The following ALK variants were observed in gnomAD, a reference collection of about 807,000 sequenced individuals.
ALK encodes the protein ALK tyrosine kinase receptor.
A neutral mutation model predicts 163.1 loss-of-function variants in ALK; 74 were observed. That is an observed-to-expected ratio of 0.45 (90% CI 0.38 to 0.55). The LOEUF is 0.55. ALK is among the 20% of genes least tolerant of loss of function. ALK has a pLI of 0.00. For missense variants in ALK, 2,063 were observed against 2,105.3 expected, an observed-to-expected ratio of 0.98 and a Z score of 0.39; for synonymous variants, 960 against 843.2, an observed-to-expected ratio of 1.14 and a Z score of -2.40.
At chr2:29,655,530 C>T (rs940742737) in intron 3 of ALK, among the ~76,000 whole-genome samples, 4 of 152,162 alleles carry the variant, frequency 2.6e-5, no homozygotes, top group African/African-American at 9.6e-5. Flanking sequence ...ATTCAGTCCT[C>T]CCTCAGATTA....
intron 1 of ALK, among the ~76,000 whole-genome samples, chr2:29,780,866 T>A (rs1327196750): frequency 6.6e-6 from 1 of 152,238 alleles, no homozygotes; most frequent in African/African-American, 2.4e-5. Flanking sequence ...GTTCCTCAGC[T>A]CTTCAGCAAA....
intron 25 of ALK, among the ~76,000 whole-genome samples, chr2:29,208,309 G>GAGTAGGTGGGGAATGAAGGAC (rs1669368920): frequency 6.6e-6 from 1 of 152,198 alleles, no homozygotes; most frequent in Non-Finnish European, 1.5e-5. Flanking sequence ...ACAAAGTGCA[G>GAGTAGGTGGGGAATGAAGGAC]AGTAGGTGGG....
intron 4 of ALK, among the ~76,000 whole-genome samples, chr2:29,409,804 C>T (rs1271526290): frequency 6.6e-6 from 1 of 152,122 alleles, no homozygotes; most frequent in Non-Finnish European, 1.5e-5. Flanking sequence ...CTTGGTGACC[C>T]CAGACTTATT....
Position 29,246,498 on chromosome 2 carries a change from C to T in ALK, c.2204+4607G>A, listed in dbSNP as rs753084514. ...CTCCAGCCACCCACCCTCTAGACAC[C>T]ATGGTTACTCAGCACCACGGCCCAG... On this transcript the variant is annotated intron_variant, in intron 12 of 28. Coordinates refer to ENST00000389048, the MANE Select transcript of ALK (RefSeq NM_004304.5). This position sits in a 1 kb window ranked among gnomAD's most constrained non-coding sequence, Gnocchi z 4.3. Among the ~76,000 whole-genome samples the T allele has an allele frequency of 1.3e-5, 2 of 152,200 alleles. No homozygotes were observed. Among genetic ancestry groups the T allele is most frequent in the Non-Finnish European group, 2.9e-5 (2 of 68,034 alleles).
intron 26 of ALK, among the ~76,000 whole-genome samples, chr2:29,198,961 C>CTTTTTTTTTTT (rs145929777): frequency 6.9e-6 from 1 of 144,910 alleles, no homozygotes. Flanking sequence ...TAGTTGTTTT[C>CTTTTTTTTTTT]TTTTTTTTTT....
At chr2:29,230,542 C>T (rs1664170443) in intron 15 of ALK, among the ~76,000 whole-genome samples, 1 of 151,950 alleles carries the variant, frequency 6.6e-6, no homozygotes, top group South Asian at 2.1e-4. Flanking sequence ...TCTTTGGGAC[C>T]CAGAGGGACC....
chr2:29,656,021 C>T (rs773980740), intron 3 of ALK, among the ~76,000 whole-genome samples: 1 of 152,020 alleles, frequency 6.6e-6, no homozygotes, highest in Non-Finnish European at 1.5e-5. Context: ...GGGTCACAAG[C>T]ATATGTATAT....
chr2:29,500,000 G>C (rs1039186899), intron 4 of ALK, among the ~76,000 whole-genome samples: 1 of 152,106 alleles, frequency 6.6e-6, no homozygotes, highest in African/African-American at 2.4e-5. Context: ...CCATACACTT[G>C]GGTCTCGCTG....
chr2:29,581,919 G>T (rs968789487), intron 3 of ALK, among the ~76,000 whole-genome samples: 12 of 152,222 alleles, frequency 7.9e-5, no homozygotes, highest in African/African-American at 2.7e-4. Context: ...ACTAAGGGAA[G>T]ACTGGGCATG....
intron 5 of ALK, among the ~76,000 whole-genome samples, chr2:29,332,018 A>G (rs900997171): frequency 2.6e-5 from 4 of 151,996 alleles, no homozygotes; most frequent in East Asian, 1.9e-4. Context: ...CAGGCGTGGT[A>G]GCTCACACCT....
intron 3 of ALK, among the ~76,000 whole-genome samples, chr2:29,690,930 C>T (rs1396673103): frequency 1.3e-5 from 2 of 152,192 alleles, no homozygotes; most frequent in East Asian, 3.9e-4. Flanking sequence ...TTCTCATCTT[C>T]ACCACCAGCA....
intron 1 of ALK, among the ~76,000 whole-genome samples, chr2:29,756,629 A>T (rs183638879): frequency 6.6e-6 from 1 of 150,666 alleles, no homozygotes; most frequent in East Asian, 2.0e-4. Flanking sequence ...GCCTCCCGGC[A>T]GATTCTCCTG....
intron 3 of ALK, among the ~76,000 whole-genome samples, chr2:29,653,042 G>C (rs1010135771): frequency 1.3e-5 from 2 of 152,112 alleles, no homozygotes; most frequent in Admixed American, 1.3e-4. Flanking sequence ...GGAAGCAGGG[G>C]CATTTTGGGG....
chr2:29,298,133 T>C (rs1352420977), intron 8 of ALK, among the ~76,000 whole-genome samples: 1 of 152,184 alleles, frequency 6.6e-6, no homozygotes, highest in Non-Finnish European at 1.5e-5. Context: ...CTTTCTTGCA[T>C]ACAAACCCTT....
At chr2:29,589,419 T>G (rs1270571866) in intron 3 of ALK, among the ~76,000 whole-genome samples, 2 of 152,172 alleles carry the variant, frequency 1.3e-5, no homozygotes, top group African/African-American at 2.4e-5. Flanking sequence ...ACAACAACCC[T>G]GCAAGGACAG....
At chr2:29,692,992 T>C (rs920662565) in intron 3 of ALK, among the ~76,000 whole-genome samples, 4 of 152,206 alleles carry the variant, frequency 2.6e-5, no homozygotes, top group South Asian at 4.1e-4. Context: ...GGTGAAAACA[T>C]GCAAACCTAG....
chr2:29,423,367 T>C (rs1393185087), intron 4 of ALK, among the ~76,000 whole-genome samples: 1 of 152,200 alleles, frequency 6.6e-6, no homozygotes, highest in Non-Finnish European at 1.5e-5. Flanking sequence ...TCCACCACAT[T>C]GCATTGACCT....
chr2:29,647,188 A>C (rs1206309829), intron 3 of ALK, among the ~76,000 whole-genome samples: 1 of 152,198 alleles, frequency 6.6e-6, no homozygotes, highest in Non-Finnish European at 1.5e-5. Context: ...TCAATACGGC[A>C]ATGAACTTCT....
chr2:29,838,322 A>G (rs981626704), intron 1 of ALK, among the ~76,000 whole-genome samples: 5 of 152,134 alleles, frequency 3.3e-5, no homozygotes, highest in Non-Finnish European at 7.4e-5. Context: ...AGTGTTGATT[A>G]TTTTCCCCAA....
Sources: allele counts gnomAD v4.1 joint callset (sites outside exome capture counted in the v4.1 genomes callset), GRCh38; gene constraint gnomAD v4.1.1; non-coding constraint Gnocchi (gnomAD v3.1); transcripts MANE v1.5; gene names NCBI Gene and HGNC (gene_info 2026-07-23, HGNC 2026-07-21).